The following UBE2F variants were observed in gnomAD, a reference collection of about 807,000 sequenced individuals.
UBE2F encodes NEDD8-conjugating enzyme UBE2F.
Under a neutral mutation model 29.6 loss-of-function variants are expected in UBE2F, and 5 were observed. That is an observed-to-expected ratio of 0.17 (90% CI 0.09 to 0.36). The LOEUF (loss-of-function observed/expected upper bound fraction) is 0.36. Among genes scored for constraint, UBE2F ranks in the 10% least tolerant of loss-of-function variants. The pLI is 1.00. For missense variants in UBE2F, 141 were observed against 228.5 expected, an observed-to-expected ratio of 0.62 and a Z score of 2.47; for synonymous variants, 66 against 81.8, an observed-to-expected ratio of 0.81 and a Z score of 1.04.
chr2:237,970,037 T>C (rs1576583374), intron 1 of UBE2F, among the ~76,000 whole-genome samples: 1 of 152,168 alleles, frequency 6.6e-6, no homozygotes, highest in South Asian at 2.1e-4. Context: ...AATTGTGTAA[T>C]TGATCAGTCT....
intron 2 of UBE2F, among the ~76,000 whole-genome samples, chr2:237,980,474 G>GT (rs908454737): frequency 2.0e-4 from 30 of 151,872 alleles, no homozygotes; most frequent in African/African-American, 5.6e-4. Flanking sequence ...TTTTGTTTTT[G>GT]TTTTTTTTAA....
intron 5 of UBE2F, among the ~76,000 whole-genome samples, chr2:238,024,049 G>A (rs544496864): frequency 1.3e-5 from 2 of 152,280 alleles, no homozygotes; most frequent in South Asian, 2.1e-4. Context: ...CATCTGAAAC[G>A]ATGGCAGAAA....
At chr2:237,987,266 G>T (rs1431806746) in intron 2 of UBE2F, among the ~76,000 whole-genome samples, 1 of 152,086 alleles carries the variant, frequency 6.6e-6, no homozygotes, top group Non-Finnish European at 1.5e-5. Flanking sequence ...GTGGGGAAGG[G>T]CAGGGCAGTC....
At chr2:238,001,203 T>C (rs2063786636) in intron 4 of UBE2F, among the ~76,000 whole-genome samples, 1 of 152,062 alleles carries the variant, frequency 6.6e-6, no homozygotes, top group Non-Finnish European at 1.5e-5. Flanking sequence ...CCGGCTAATT[T>C]TGTATTTTTA....
chr2:237,976,512 G>A (rs539289999), intron 2 of UBE2F, among the ~76,000 whole-genome samples: 1 of 152,336 alleles, frequency 6.6e-6, no homozygotes, highest in Non-Finnish European at 1.5e-5. Context: ...AGTTTTGGAG[G>A]CTGGGAAGTC....
chr2:238,010,502 T>C (rs1414887716), intron 4 of UBE2F, among the ~76,000 whole-genome samples: 23 of 152,234 alleles, frequency 1.5e-4, no homozygotes, highest in Non-Finnish European at 2.9e-5. Flanking sequence ...TTCCTATAAC[T>C]GTAAGACTCT....
Position 238,041,279 on chromosome 2 carries a change from A to G in UBE2F, c.508-9A>G. On this transcript the variant is annotated splice_polypyrimidine_tract_variant and intron_variant, in intron 9 of 9. Coordinates refer to ENST00000272930, the MANE Select transcript of UBE2F (RefSeq NM_080678.3). ...TCTTCTTTCTGTCCCCAATGCTGTT[A>G]CTCCACAGGAGGACTTCCGGAATAA... 3 of 1,613,458 alleles carry G rather than the reference A, an allele frequency of 1.9e-6. No individual in the cohort carries two copies. Among genetic ancestry groups the G allele is most frequent in the Non-Finnish European group, 2.5e-6 (3 of 1,179,528 alleles).
chr2:238,012,044 A>ATTTT (rs34003831), intron 4 of UBE2F, among the ~76,000 whole-genome samples: 10 of 131,510 alleles, frequency 7.6e-5, no homozygotes, highest in Non-Finnish European at 9.5e-5. Context: ...ACACCTGGCA[A>ATTTT]TTTTTTTTTT....
At chr2:238,016,191 C>G (rs1294910808) in intron 4 of UBE2F, among the ~76,000 whole-genome samples, 4 of 152,094 alleles carry the variant, frequency 2.6e-5, no homozygotes, top group Non-Finnish European at 5.9e-5. Flanking sequence ...TTGGGGAGAC[C>G]AGCAGTAAGC....
intron 1 of UBE2F, among the ~76,000 whole-genome samples, chr2:237,970,742 T>C (rs1244094857): frequency 6.6e-6 from 1 of 152,256 alleles, no homozygotes; most frequent in Non-Finnish European, 1.5e-5. Context: ...GAGATGCGGT[T>C]TCACTCTTGT....
intron 2 of UBE2F, among the ~76,000 whole-genome samples, chr2:237,976,814 C>T (rs757281599): frequency 3.5e-4 from 54 of 152,142 alleles, no homozygotes; most frequent in Non-Finnish European, 5.9e-4. Context: ...TCTTGTTTGA[C>T]TTTTCAAAGC....
rs1284284758 is a variant in UBE2F at position 238,042,050 on chromosome 2, A to G, written c.*712A>G. ...AAGAGAAATACAAAGAAAATATGAA[A>G]GGCACATTATTCATTTTGTCCAAAT... On this transcript the variant is annotated 3_prime_UTR_variant, in exon 10 of 10. Transcript: ENST00000272930. 1 of 152,630 alleles carries G rather than the reference A, an allele frequency of 6.6e-6. No homozygotes were observed. Among genetic ancestry groups the G allele is most frequent in the African/African-American group, 2.4e-5 (1 of 41,464 alleles). The allele number at this position is 152,630 out of a possible 1,614,324, so 9.5% of individuals were successfully genotyped here.
At chr2:238,035,364 A>T (rs1341006951) in intron 8 of UBE2F, 1 of 158,816 alleles carries the variant, frequency 6.3e-6, no homozygotes, top group Non-Finnish European at 1.4e-5. Flanking sequence ...GAGCCTAGCG[A>T]CACTGCTGTG....
intron 4 of UBE2F, among the ~76,000 whole-genome samples, chr2:238,012,989 G>A (rs1282378984): frequency 1.3e-5 from 2 of 152,154 alleles, no homozygotes; most frequent in African/African-American, 2.4e-5. Context: ...ACAGAAATGG[G>A]TATAGGCCAG....
intron 4 of UBE2F, among the ~76,000 whole-genome samples, chr2:238,001,226 T>C (rs1007689720): frequency 1.4e-4 from 21 of 151,884 alleles, no homozygotes; most frequent in Non-Finnish European, 2.8e-4. Context: ...AAAGACAAGG[T>C]TTCTCCATGT....
chr2:238,034,480 A>G (rs1471650339), intron 8 of UBE2F, among the ~76,000 whole-genome samples: 1 of 152,078 alleles, frequency 6.6e-6, no homozygotes, highest in East Asian at 1.9e-4. Flanking sequence ...CTAGCTCCCC[A>G]TCTCTCAGTG....
intron 4 of UBE2F, among the ~76,000 whole-genome samples, chr2:238,013,328 CAGT>C (rs967482794): frequency 1.3e-5 from 2 of 152,040 alleles, no homozygotes; most frequent in African/African-American, 4.8e-5. Flanking sequence ...AATGGAGACA[CAGT>C]GGTGGGGGAA....
rs962599464 is a variant in UBE2F at position 237,967,637 on chromosome 2, G to A, written c.-17+505G>A. Among the ~76,000 whole-genome samples, 1 of 152,224 alleles carries A rather than the reference G, an allele frequency of 6.6e-6. No individual in the cohort carries two copies. The highest frequency in any genetic ancestry group is 1.5e-5 in the Non-Finnish European group (1 of 68,030). On this transcript the variant is annotated intron_variant, in intron 1 of 9. Transcript: ENST00000272930. The surrounding 1 kb of genome is among the most constrained non-coding windows in gnomAD (Gnocchi z 6.3). ...AGTCGCGCTAGGCCGTGAGGAGCGG[G>A]GGAGGTGAGGGGAGTGACAACTCGC... is the stretch of plus-strand genomic sequence containing the variant.
intron 6 of UBE2F, among the ~76,000 whole-genome samples, chr2:238,028,435 CTA>C (rs1215510456): frequency 4.6e-5 from 7 of 152,180 alleles, no homozygotes; most frequent in Admixed American, 2.0e-4. Flanking sequence ...GCATTAAGAT[CTA>C]TATAAGAAAA....
Sources: gnomAD v4.1 joint callset for allele counts (sites outside exome capture counted in the v4.1 genomes callset) on GRCh38, gnomAD v4.1.1 for gene constraint, Gnocchi (gnomAD v3.1) non-coding constraint, MANE v1.5 for transcripts, NCBI Gene and HGNC (gene_info 2026-07-23, HGNC 2026-07-21) for gene names.